ATP11A: variants seen among roughly 807,000 people sequenced by gnomAD.
The protein encoded by ATP11A is ATPase phospholipid transporting 11A.
A neutral mutation model predicts 154.4 loss-of-function variants in ATP11A; 81 were observed. That is an observed-to-expected ratio of 0.52 (90% CI 0.44 to 0.63). The LOEUF is 0.63. ATP11A is among the 30% of genes least tolerant of loss of function. The pLI, the probability that ATP11A is intolerant of heterozygous loss-of-function variation, is 0.00. For synonymous variants in ATP11A, 623 were observed against 585.9 expected (o/e 1.06, Z -0.91); for missense variants, 1,316 against 1,474.3 (o/e 0.89, Z 1.76).
At chr13:112,842,247 T>A in intron 16 of ATP11A, 29 bp from the exon 17 acceptor site, 1 of 1,533,244 alleles carries the variant, frequency 6.5e-7, no homozygotes, top group Non-Finnish European at 8.9e-7. Context: ...CATATTGTGA[T>A]TAAACTCCTC....
Position 112,862,516 on chromosome 13 carries a change from G to C in ATP11A, c.2932G>C (p.Val978Leu). 2 of 1,614,202 alleles carry C rather than the reference G, an allele frequency of 1.2e-6. No homozygotes were observed. The highest frequency in any genetic ancestry group is 1.7e-6 in the Non-Finnish European group (2 of 1,180,020). Reference sequence around the variant, plus strand: ...GCTCCTGGGACTGTTTGACGCACTGGTGTTCTTCTTTGGTGCTTATTTCGT... The same window carrying C: ...GCTCCTGGGACTGTTTGACGCACTGCTGTTCTTCTTTGGTGCTTATTTCGT... The part of the protein sequence containing the change: ...WTLLGLFDAL[V>L]FFFGAYFVFE... The change falls in exon 25 of 30, where the codon GTG becomes CTG. Residue 978 changes from valine (V) to leucine (L), a missense_variant. This residue lies in a region of ATP11A where 294 missense variants were observed against 290.2 expected (regional missense o/e 1.01). Coordinates refer to ENST00000375645, the MANE Select transcript of ATP11A (RefSeq NM_015205.3).
At chr13:112,752,883 G>A (rs1307076730) in intron 1 of ATP11A, among the ~76,000 whole-genome samples, 6 of 152,164 alleles carry the variant, frequency 3.9e-5, no homozygotes, top group East Asian at 1.9e-4. Context: ...AGTGGCTTCC[G>A]CCTGGCCTCC....
At chr13:112,700,548 G>C (rs1349275910) in intron 1 of ATP11A, among the ~76,000 whole-genome samples, 1 of 152,252 alleles carries the variant, frequency 6.6e-6, no homozygotes, top group East Asian at 1.9e-4. Flanking sequence ...GGTGGGCGCA[G>C]GCCTTGATGC....
chr13:112,828,118 G>GAAACGCCCAGCAGCGTTGAGTGCGGGGGA (rs143513857), intron 12 of ATP11A, among the ~76,000 whole-genome samples: 4 of 122,388 alleles, frequency 3.3e-5, no homozygotes, highest in African/African-American at 6.4e-5. Context: ...TGAGTGGGGG[G>GAAACGCCCAGCAGCGTTGAGTGCGGGGGA]AAGCGCCCAG....
At chr13:112,776,716 C>G (rs768527345) in intron 1 of ATP11A, among the ~76,000 whole-genome samples, 4 of 152,156 alleles carry the variant, frequency 2.6e-5, no homozygotes, top group Admixed American at 2.0e-4. Flanking sequence ...CTTGCCTCAG[C>G]CCCCCAAGTA....
chr13:112,844,704 G>C (rs1229689910), intron 17 of ATP11A, among the ~76,000 whole-genome samples: 1 of 148,698 alleles, frequency 6.7e-6, no homozygotes, highest in African/African-American at 2.6e-5. Flanking sequence ...AGCACTAGCG[G>C]TACTAGTTCA....
intron 1 of ATP11A, among the ~76,000 whole-genome samples, chr13:112,723,936 TG>T (rs1163962644): frequency 1.3e-5 from 2 of 151,494 alleles, no homozygotes; most frequent in Non-Finnish European, 2.9e-5. Flanking sequence ...CGGGCTCGGG[TG>T]GCATGTGCGG....
intron 1 of ATP11A, among the ~76,000 whole-genome samples, chr13:112,729,214 C>T (rs909277839): frequency 3.3e-5 from 5 of 152,200 alleles, no homozygotes; most frequent in Non-Finnish European, 5.9e-5. Flanking sequence ...GTCTGGTTGG[C>T]GGTCAGCTCA....
At chr13:112,762,425 C>T (rs2076983724) in intron 1 of ATP11A, among the ~76,000 whole-genome samples, 1 of 152,194 alleles carries the variant, frequency 6.6e-6, no homozygotes, top group African/African-American at 2.4e-5. Flanking sequence ...TTTGTGAGAA[C>T]TGTCTCTATG....
At chr13:112,833,107 G>A (rs2079142553) in intron 14 of ATP11A, 84 bp downstream of exon 14, 4 of 1,521,670 alleles carry the variant, frequency 2.6e-6, no homozygotes, top group Non-Finnish European at 3.6e-6. Flanking sequence ...TGCACCTAGA[G>A]GCGTCCTCAG....
intron 2 of ATP11A, among the ~76,000 whole-genome samples, chr13:112,795,909 A>G (rs926857923): frequency 2.0e-5 from 3 of 152,230 alleles, no homozygotes; most frequent in African/African-American, 7.2e-5. Context: ...CATGGTTTTT[A>G]AATGGCAGGG....
intron 12 of ATP11A, among the ~76,000 whole-genome samples, chr13:112,829,221 G>A (rs1328513707): frequency 6.6e-6 from 1 of 152,204 alleles, no homozygotes; most frequent in African/African-American, 2.4e-5. Context: ...TGTTCCTAGA[G>A]CTGAGGGTGA....
chr13:112,827,580 C>T (rs994522279), intron 12 of ATP11A, among the ~76,000 whole-genome samples: 3 of 152,232 alleles, frequency 2.0e-5, no homozygotes, highest in Non-Finnish European at 2.9e-5. Flanking sequence ...CAGCCTAGAG[C>T]GGTGACCTTC....
rs145283690 is a variant in ATP11A, at chr13:112,884,780, A to C, written c.*2914A>C. 2.0e-5 allele frequency: 3 copies of C among 151,886 alleles called. No homozygotes were observed. The highest frequency in any genetic ancestry group is 4.9e-5 in the African/African-American group (2 of 41,234). The allele number at this position is 151,886 out of a possible 1,614,324, so 9.4% of individuals were successfully genotyped here. A position where few individuals can be genotyped will look rare whatever the true frequency, so the allele number is the denominator to read the frequency against. On this transcript the variant is annotated 3_prime_UTR_variant, in exon 30 of 30. Transcript: ENST00000375645. ...GCCACAGACCGTCTCAGACACGCACAGTGGGCCTGCTGCATGATTCACACC... is the reference window on the plus strand; with the variant it reads ...GCCACAGACCGTCTCAGACACGCACCGTGGGCCTGCTGCATGATTCACACC...
chr13:112,762,868 C>G (rs2139886114), intron 1 of ATP11A, among the ~76,000 whole-genome samples: 1 of 152,358 alleles, frequency 6.6e-6, no homozygotes, highest in South Asian at 2.1e-4. Context: ...GTGCCGGGAG[C>G]ACAGGCCTTC....
intron 1 of ATP11A, among the ~76,000 whole-genome samples, chr13:112,765,812 C>T (rs2077062343): frequency 6.6e-6 from 1 of 152,258 alleles, no homozygotes; most frequent in Admixed American, 6.5e-5. Flanking sequence ...ATTCTCGCTG[C>T]AGAGCTTAGT....
intron 1 of ATP11A, among the ~76,000 whole-genome samples, chr13:112,780,929 G>A (rs1156303040): frequency 6.6e-6 from 1 of 152,194 alleles, no homozygotes; most frequent in South Asian, 2.1e-4. Flanking sequence ...AACGCGGAGA[G>A]AGAGAGGCTG....
rs1468071223 is a variant in ATP11A at position 112,886,877 on chromosome 13, T to G, written c.*5011T>G. 6.6e-6 allele frequency: 1 copy of G among 152,384 alleles called. No homozygotes were observed. Among genetic ancestry groups the G allele is most frequent in the Non-Finnish European group, 1.5e-5 (1 of 68,046 alleles). The allele number at this position is 152,384 out of a possible 1,614,324, so 9.4% of individuals were successfully genotyped here. A position where few individuals can be genotyped will look rare whatever the true frequency, so the allele number is the denominator to read the frequency against. On this transcript the variant is annotated 3_prime_UTR_variant, in exon 30 of 30. Transcript: ENST00000375645. Reference sequence around the variant, plus strand: ...TCATCATAAATACTGGAGTTTATTTTTAAATTATTAAACATAGTAGGTGCA... The same window carrying G: ...TCATCATAAATACTGGAGTTTATTTGTAAATTATTAAACATAGTAGGTGCA...
intron 1 of ATP11A, among the ~76,000 whole-genome samples, chr13:112,740,942 A>G (rs1434113892): frequency 6.6e-6 from 1 of 152,176 alleles, no homozygotes; most frequent in Non-Finnish European, 1.5e-5. Flanking sequence ...TCAGAAATGG[A>G]TTTGGGAGCA....
Sources: allele counts gnomAD v4.1 joint callset (sites outside exome capture counted in the v4.1 genomes callset), GRCh38; gene constraint gnomAD v4.1.1; regional missense constraint gnomAD v4.1.1; transcripts MANE v1.5; gene names NCBI Gene and HGNC (gene_info 2026-07-23, HGNC 2026-07-21).